Variants in TNIP3 observed in about 807,000 individuals in gnomAD.
TNIP3 encodes TNFAIP3-interacting protein 3.
TNIP3 carries 34 observed loss-of-function variants against 54.1 expected under a neutral mutation model. The observed-to-expected ratio is 0.63, with a 90% CI of 0.48 to 0.84. The LOEUF is 0.84. Among genes scored for constraint, TNIP3 ranks in the 40% least tolerant of loss-of-function variants. The pLI is 0.00. For missense variants in TNIP3, 366 were observed against 387.6 expected, an observed-to-expected ratio of 0.94 and a Z score of 0.47; for synonymous variants, 134 against 136.8, an observed-to-expected ratio of 0.98 and a Z score of 0.14.
intron 7 of TNIP3, among the ~76,000 whole-genome samples, chr4:121,145,913 G>T (rs1729400267): frequency 6.6e-6 from 1 of 151,196 alleles, no homozygotes; most frequent in Non-Finnish European, 1.5e-5. Flanking sequence ...GGAGGTGGAG[G>T]TTGCGGTGAG....
Position 121,139,587 on chromosome 4 carries a change from A to G in TNIP3, c.886-903T>C, listed in dbSNP as rs1393625425. On this transcript the variant is annotated intron_variant, in intron 9 of 10. Transcript: ENST00000057513. The stretch of plus-strand genomic sequence containing the variant: ...AAATAACTTGAGGAAAATTTTTCTA[A>G]CATGAGCCAACAGAGAGCATTTACA... 5.3e-5 allele frequency among the ~76,000 whole-genome samples: 8 copies of G among 152,330 alleles called. 1 individual carries two copies. Among genetic ancestry groups the G allele is most frequent in the Non-Finnish European group, 1.0e-4 (7 of 68,020 alleles).
intron 4 of TNIP3, among the ~76,000 whole-genome samples, chr4:121,154,997 C>T (rs1443994294): frequency 1.3e-5 from 2 of 150,472 alleles, no homozygotes; most frequent in Non-Finnish European, 3.0e-5. Context: ...AATTCTCACA[C>T]TGTCTCCCGG....
chr4:121,223,360 A>G (rs1727121017), intron 1 of TNIP3, among the ~76,000 whole-genome samples: 1 of 152,248 alleles, frequency 6.6e-6, no homozygotes, highest in African/African-American at 2.4e-5. Flanking sequence ...TTTTGAATGC[A>G]GTTTAGCAAG....
intron 2 of TNIP3, among the ~76,000 whole-genome samples, chr4:121,210,874 A>G (rs1726444841): frequency 6.6e-6 from 1 of 152,216 alleles, no homozygotes; most frequent in Admixed American, 6.5e-5. Flanking sequence ...TTAGGGGGAC[A>G]CAATTCAGTC....
intron 3 of TNIP3, among the ~76,000 whole-genome samples, chr4:121,157,634 C>T (rs1730197380): frequency 6.6e-6 from 1 of 152,142 alleles, no homozygotes; most frequent in Non-Finnish European, 1.5e-5. Context: ...TATGCCTACA[C>T]CAGAGAAAAA....
chr4:121,149,799 C>A (rs1729636925), intron 6 of TNIP3, among the ~76,000 whole-genome samples: 1 of 152,086 alleles, frequency 6.6e-6, no homozygotes. Context: ...CTACGTGAAA[C>A]TCCCTAGCCC....
chr4:121,200,759 C>T (rs1725839863), intron 2 of TNIP3, among the ~76,000 whole-genome samples: 1 of 151,950 alleles, frequency 6.6e-6, no homozygotes, highest in Non-Finnish European at 1.5e-5. Flanking sequence ...GTTTTAATTT[C>T]CTCAGAGAGC....
intron 5 of TNIP3, among the ~76,000 whole-genome samples, chr4:121,152,183 AG>A (rs1425788974): frequency 1.3e-5 from 2 of 152,330 alleles, no homozygotes; most frequent in Admixed American, 6.5e-5. Flanking sequence ...CATAGAGGGT[AG>A]GCCCTGGATT....
intron 2 of TNIP3, among the ~76,000 whole-genome samples, chr4:121,191,201 A>G (rs962324718): frequency 6.6e-6 from 1 of 152,226 alleles, no homozygotes; most frequent in Admixed American, 6.5e-5. Flanking sequence ...GCACAATCAA[A>G]GATTTAGAGA....
intron 1 of TNIP3, chr4:121,216,549 G>A (rs755631172): frequency 2.6e-6 from 4 of 1,531,164 alleles, no homozygotes; most frequent in Non-Finnish European, 2.6e-6. Context: ...TACGTCAAGG[G>A]AAGTTAACTA....
intron 10 of TNIP3, 93 bp downstream of exon 10, chr4:121,138,531 C>A: frequency 1.6e-6 from 2 of 1,222,860 alleles, no homozygotes; most frequent in Non-Finnish European, 2.4e-6. Flanking sequence ...AAGTCCTCCC[C>A]AAGTACGAAT....
At chr4:121,215,525 A>G (rs1726738395) in intron 2 of TNIP3, among the ~76,000 whole-genome samples, 1 of 152,184 alleles carries the variant, frequency 6.6e-6, no homozygotes, top group African/African-American at 2.4e-5. Context: ...GTTGATCCAG[A>G]CACAAATACG....
At chr4:121,184,267 A>G (rs2148828342) in intron 2 of TNIP3, among the ~76,000 whole-genome samples, 1 of 152,290 alleles carries the variant, frequency 6.6e-6, no homozygotes, top group South Asian at 2.1e-4. Flanking sequence ...TAAAATAAAT[A>G]ACCAGATGAA....
intron 2 of TNIP3, among the ~76,000 whole-genome samples, chr4:121,192,024 C>G (rs1725332529): frequency 6.6e-6 from 1 of 151,998 alleles, no homozygotes; most frequent in African/African-American, 2.4e-5. Flanking sequence ...AATGCATTAC[C>G]TTTTTGTTTA....
chr4:121,151,505 G>A (rs1240369914), intron 5 of TNIP3, among the ~76,000 whole-genome samples: 1 of 152,098 alleles, frequency 6.6e-6, no homozygotes, highest in African/African-American at 2.4e-5. Context: ...ATCCTTCAGG[G>A]AGAATTTAAA....
intron 2 of TNIP3, among the ~76,000 whole-genome samples, chr4:121,159,104 G>A (rs140828736): frequency 2.3e-3 from 354 of 152,262 alleles, no homozygotes; most frequent in African/African-American, 7.9e-3. Flanking sequence ...TTAGCCGGAC[G>A]TGGTGGCATG....
At chr4:121,154,965 C>CT (rs1335877022) in intron 4 of TNIP3, among the ~76,000 whole-genome samples, 97 of 141,462 alleles carry the variant, frequency 6.9e-4, no homozygotes, top group Middle Eastern at 3.6e-3. Context: ...ATTCCCAATT[C>CT]TTTTTTTTTT....
intron 2 of TNIP3, among the ~76,000 whole-genome samples, chr4:121,185,679 G>A (rs1423880480): frequency 6.6e-6 from 1 of 152,174 alleles, no homozygotes; most frequent in Non-Finnish European, 1.5e-5. Flanking sequence ...TACCTAAAAT[G>A]TATGTAAATA....
At chr4:121,214,677 T>C (rs139943252) in intron 2 of TNIP3, among the ~76,000 whole-genome samples, 153 of 152,302 alleles carry the variant, frequency 1.0e-3, no homozygotes, top group Admixed American at 1.8e-3. Flanking sequence ...GGAGGATGGG[T>C]ATCATCTTTC....
Sources: allele counts gnomAD v4.1 joint callset (sites outside exome capture counted in the v4.1 genomes callset), GRCh38; gene constraint gnomAD v4.1.1; transcripts MANE v1.5; gene names NCBI Gene and HGNC (gene_info 2026-07-23, HGNC 2026-07-21).